Variants in DMBX1 observed in about 807,000 individuals in gnomAD.
DMBX1 encodes the protein diencephalon/mesencephalon homeobox 1, also known as diencephalon/mesencephalon homeobox protein 1.
In DMBX1, 7 loss-of-function variants were observed where a neutral mutation model predicts 30.4. That is an observed-to-expected ratio of 0.23 (90% CI 0.13 to 0.43). The LOEUF (loss-of-function observed/expected upper bound fraction) is 0.43. DMBX1 is among the 20% of genes least tolerant of loss of function. The pLI is 1.00. For synonymous variants in DMBX1, 222 were observed against 214.2 expected (o/e 1.04, Z -0.32); for missense variants, 460 against 508.5 (o/e 0.90, Z 0.92).
chr1:46,512,509 A>G lies in DMBX1; in HGVS notation c.*15A>G, dbSNP rs564088952. 1.2e-5 allele frequency: 19 copies of G among 1,597,934 alleles called. No individual in the cohort carries two copies. In the Admixed American group the frequency reaches 1.3e-4, roughly 11 times the overall value. On this transcript the variant is annotated 3_prime_UTR_variant, in exon 6 of 6. Transcript: ENST00000360032. The surrounding 1 kb of genome is among the most constrained non-coding windows in gnomAD (Gnocchi z 4.8). The stretch of plus-strand genomic sequence containing the variant: ...TGCCCAACTGACTGTCTGGCTTCCA[A>G]CCCAGCCAGGGGTCTTAGGTGTCCC...
Position 46,491,060 on chromosome 1 carries a change from C to T in DMBX1, c.-13+277C>T, listed in dbSNP as rs1041483334. ...GACTGTGCAGGGTCCCGGGCACCAC[C>T]GGCTGAACTTTCTGGCGGTCACAAA... On this transcript the variant is annotated intron_variant, in intron 2 of 5. Transcript: ENST00000360032. This position sits in a 1 kb window ranked among gnomAD's most constrained non-coding sequence, Gnocchi z 5.5. 5.9e-5 allele frequency among the ~76,000 whole-genome samples: 9 copies of T among 152,234 alleles called. No individual in the cohort carries two copies. Among genetic ancestry groups the T allele is most frequent in the Non-Finnish European group, 8.8e-5 (6 of 68,032 alleles).
chr1:46,496,349 C>A (rs578025898), intron 2 of DMBX1, among the ~76,000 whole-genome samples: 12 of 152,178 alleles, frequency 7.9e-5, no homozygotes, highest in Non-Finnish European at 1.5e-4. Flanking sequence ...AGATTCCTGG[C>A]AACTCAGAAC....
Position 46,507,134 on chromosome 1 carries a change from C to T in DMBX1, c.124C>T (p.His42Tyr). Residue 42 changes from histidine to tyrosine, a missense_variant, in exon 3 of 6, where the codon CAT (histidine) becomes TAT (tyrosine). Transcript: ENST00000360032. ...QHAPDYRPSVHALTLAERLAD... is the reference protein window; with the variant it reads ...QHAPDYRPSVYALTLAERLAD... ...TGCCCCCGACTACCGGCCTTCAGTG[C>T]ATGCGCTTACATTGGCTGAGCGCCT... 1.2e-6 allele frequency: 2 copies of T among 1,614,242 alleles called. No individual in the cohort carries two copies. Among genetic ancestry groups the T allele is most frequent in the Non-Finnish European group, 1.7e-6 (2 of 1,180,052 alleles).
intron 2 of DMBX1, among the ~76,000 whole-genome samples, chr1:46,506,526 A>G (rs1322690533): frequency 3.9e-5 from 6 of 152,268 alleles, no homozygotes; most frequent in Admixed American, 1.3e-4. Flanking sequence ...AGATGATTGC[A>G]TAAAGCAGCA....
chr1:46,499,529 C>A (rs1666084912), intron 2 of DMBX1, among the ~76,000 whole-genome samples: 1 of 152,236 alleles, frequency 6.6e-6, no homozygotes, highest in Non-Finnish European at 1.5e-5. Context: ...ATTATCCAAT[C>A]TTTCTTGCCT....
At position 46,512,581 on chromosome 1, in the gene DMBX1, C is replaced by G. The variant is rs961658914; in HGVS notation, c.*87C>G. ...CTAGGTGGCTCTCGAGGAGTTAACT[C>G]CATGAGCCCAGGGATCCTAGGGCCT... On this transcript the variant is annotated 3_prime_UTR_variant, in exon 6 of 6. Coordinates refer to ENST00000360032, the MANE Select transcript of DMBX1 (RefSeq NM_172225.2). This position sits in a 1 kb window ranked among gnomAD's most constrained non-coding sequence, Gnocchi z 4.8. 2.1e-6 allele frequency: 3 copies of G among 1,423,792 alleles called. No homozygotes were observed. Among genetic ancestry groups the G allele is most frequent in the African/African-American group, 2.9e-5 (2 of 70,174 alleles). 88.2% of individuals were successfully genotyped at this position (1,423,792 alleles called of 1,614,324 possible).
At chr1:46,511,474 C>T (rs747192750) in intron 5 of DMBX1, among the ~76,000 whole-genome samples, 191 bp downstream of exon 5, 8 of 152,074 alleles carry the variant, frequency 5.3e-5, no homozygotes, top group African/African-American at 7.2e-5. Context: ...TCCTGAGGGA[C>T]GGGCTGGGTA....
At chr1:46,494,008 C>T (rs919474108) in intron 2 of DMBX1, among the ~76,000 whole-genome samples, 8 of 152,262 alleles carry the variant, frequency 5.3e-5, no homozygotes, top group African/African-American at 1.9e-4. Flanking sequence ...GCCACCACTT[C>T]TGTACCCTGG....
chr1:46,506,944 G>C (rs1005913200), intron 2 of DMBX1, 55 bp from the exon 3 acceptor site: 76 of 1,586,074 alleles, frequency 4.8e-5, no homozygotes, highest in Non-Finnish European at 6.3e-5. Context: ...GGGTCTCCCT[G>C]AGGGCAGAGT....
At chr1:46,492,997 C>A (rs952822940) in intron 2 of DMBX1, among the ~76,000 whole-genome samples, 1 of 152,060 alleles carries the variant, frequency 6.6e-6, no homozygotes, top group Non-Finnish European at 1.5e-5. Flanking sequence ...CTATTCCCGC[C>A]ACTCTCTCCA....
Position 46,511,113 on chromosome 1 carries a change from C to A in DMBX1, c.512C>A (p.Pro171His), listed in dbSNP as rs886464818. The part of the protein sequence containing the change: ...QPPRLPGSDP[P>H]AELHLSLSEQ... ...CCACGTCTGCCTGGCAGCGACCCCC[C>A]TGCTGAGCTTCACCTGAGTCTGTCT... is the stretch of plus-strand genomic sequence containing the variant. The change falls in exon 5 of 6, where the codon CCT becomes CAT. Residue 171 changes from proline to histidine, a missense_variant. Pro to His is a moderately conservative substitution (Grantham distance 77). This residue lies in a region of DMBX1 where 334 missense variants were observed against 345.1 expected (regional missense o/e 0.97). Transcript: ENST00000360032. 6.2e-7 allele frequency: 1 copy of A among 1,613,986 alleles called. No homozygotes were observed. The highest frequency in any genetic ancestry group is 1.3e-5 in the African/African-American group (1 of 74,950).
Position 46,511,182 on chromosome 1 carries a change from G to A in DMBX1, c.581G>A (p.Arg194His), listed in dbSNP as rs372261765. Reference sequence around the variant, plus strand: ...TCAGCCCCCGAGGATCAGCCGGACCGTGAGGAGGACCCCAGGGCAGGGGCT... The same window carrying A: ...TCAGCCCCCGAGGATCAGCCGGACCATGAGGAGGACCCCAGGGCAGGGGCT... ...SESAPEDQPD[R>H]EEDPRAGAED... The change falls in exon 5 of 6, where the codon CGT becomes CAT. Residue 194 changes from arginine to histidine, a missense_variant. By Grantham distance (29) the Arg-to-His change is conservative (BLOSUM62 0). Coordinates refer to ENST00000360032, the MANE Select transcript of DMBX1 (RefSeq NM_172225.2). 1.7e-5 allele frequency: 27 copies of A among 1,613,644 alleles called. No homozygotes were observed. The highest frequency in any genetic ancestry group is 1.0e-4 in the Admixed American group (6 of 60,004).
Position 46,512,644 on chromosome 1 carries a change from C to G in DMBX1, c.*150C>G, listed in dbSNP as rs1215500425. Reference sequence around the variant, plus strand: ...CCTGCTCCGCTTCCCCATACCCCAGCCCGAGGTGAAGCCCACACCTACACA... The same window carrying G: ...CCTGCTCCGCTTCCCCATACCCCAGGCCGAGGTGAAGCCCACACCTACACA... On this transcript the variant is annotated 3_prime_UTR_variant, in exon 6 of 6. Transcript: ENST00000360032. This position sits in a 1 kb window ranked among gnomAD's most constrained non-coding sequence, Gnocchi z 4.8. 2 of 872,456 alleles carry G rather than the reference C, an allele frequency of 2.3e-6. No individual in the cohort carries two copies. The highest frequency in any genetic ancestry group is 3.4e-5 in the African/African-American group (2 of 58,682). The allele number at this position is 872,456 out of a possible 1,614,324, so 54.0% of individuals were successfully genotyped here.
At chr1:46,511,777 G>A (rs903938670) in intron 5 of DMBX1, among the ~76,000 whole-genome samples, 2 of 152,130 alleles carry the variant, frequency 1.3e-5, no homozygotes, top group Non-Finnish European at 2.9e-5. Flanking sequence ...GGGGGAGGGG[G>A]AAGTTTACAG....
At chr1:46,495,561 G>A (rs150215076) in intron 2 of DMBX1, among the ~76,000 whole-genome samples, 7 of 152,294 alleles carry the variant, frequency 4.6e-5, no homozygotes, top group South Asian at 2.1e-4. Context: ...GGTAATAATA[G>A]TTATTTATTA....
intron 2 of DMBX1, among the ~76,000 whole-genome samples, chr1:46,494,762 G>C (rs1346918549): frequency 6.6e-6 from 1 of 152,186 alleles, no homozygotes; most frequent in African/African-American, 2.4e-5. Flanking sequence ...CCACCTGCCT[G>C]CCATGCATAG....
Position 46,511,079 on chromosome 1 carries a change from G to A in DMBX1, c.478G>A (p.Glu160Lys), listed in dbSNP as rs1241889446. The A allele has an allele frequency of 6.2e-7, 1 of 1,614,120 alleles. No homozygotes were observed. Among genetic ancestry groups the A allele is most frequent in the South Asian group, 1.1e-5 (1 of 91,078 alleles). The change falls in exon 5 of 6, where the codon GAG (glutamate) becomes AAG (lysine). Residue 160 changes from glutamate (E) to lysine (K), a missense_variant. Glu to Lys is a moderately conservative substitution (Grantham distance 56). Around this residue, in one of 3 missense-constraint regions of DMBX1, gnomAD observed 334 missense variants for 345.1 expected, o/e 0.97. Coordinates refer to ENST00000360032, the MANE Select transcript of DMBX1 (RefSeq NM_172225.2). ...CACTCCAGATACCCAGCTGGACACT[G>A]AGCAGCCCCCACGTCTGCCTGGCAG... Reference protein sequence around the residue: ...APTPDTQLDTEQPPRLPGSDP... With the variant: ...APTPDTQLDTKQPPRLPGSDP...
chr1:46,499,189 A>G (rs1381540880), intron 2 of DMBX1, among the ~76,000 whole-genome samples: 1 of 152,006 alleles, frequency 6.6e-6, no homozygotes, highest in African/African-American at 2.4e-5. Flanking sequence ...GGTGCCTGAC[A>G]CCACGCCTGG....
chr1:46,507,603 G>A (rs533080862), intron 3 of DMBX1, among the ~76,000 whole-genome samples: 37 of 152,352 alleles, frequency 2.4e-4, no homozygotes, highest in African/African-American at 7.9e-4. Flanking sequence ...GTTAGGCACT[G>A]TGGGAGTCTC....
Sources: gnomAD v4.1 joint callset for allele counts (sites outside exome capture counted in the v4.1 genomes callset) on GRCh38, gnomAD v4.1.1 for gene constraint, gnomAD v4.1.1 regional missense constraint, Gnocchi (gnomAD v3.1) non-coding constraint, MANE v1.5 for transcripts, NCBI Gene and HGNC (gene_info 2026-07-23, HGNC 2026-07-21) for gene names.